The following NUDC variants were observed in gnomAD, a reference collection of about 807,000 sequenced individuals.
The protein encoded by NUDC is nuclear migration protein nudC.
NUDC carries 14 observed loss-of-function variants against 45.0 expected under a neutral mutation model. The observed-to-expected ratio is 0.31, with a 90% CI of 0.21 to 0.49. The LOEUF (loss-of-function observed/expected upper bound fraction) is 0.49, where lower values mean the gene tolerates loss of function less well. NUDC is among the 20% of genes least tolerant of loss of function. The probability of loss-of-function intolerance (pLI) is 0.99; values close to 1 mark genes in which losing one functional copy is unlikely to be tolerated. For synonymous variants in NUDC, 153 were observed against 156.7 expected (o/e 0.98, Z 0.17); for missense variants, 323 against 426.2 (o/e 0.76, Z 2.13).
At chr1:26,925,017 A>G (rs1167153961) in intron 2 of NUDC, among the ~76,000 whole-genome samples, 1 of 150,636 alleles carries the variant, frequency 6.6e-6, no homozygotes, top group Non-Finnish European at 1.5e-5. Flanking sequence ...AGTAGCTGGG[A>G]TTACAGGCAG....
At chr1:26,935,311 AGTC>A (rs2082220130) in intron 2 of NUDC, among the ~76,000 whole-genome samples, 1 of 152,132 alleles carries the variant, frequency 6.6e-6, no homozygotes, top group Non-Finnish European at 1.5e-5. Flanking sequence ...TAAATTACCC[AGTC>A]TAGGGTATTC....
chr1:26,913,660 G>A, intron 3 of NUDC: 1 of 1,613,810 alleles, frequency 6.2e-7, no homozygotes, highest in Non-Finnish European at 8.5e-7. Context: ...CAGGAAGAGG[G>A]GGCCCCAGCA....
At chr1:26,931,677 G>A (rs1351944395) in intron 2 of NUDC, among the ~76,000 whole-genome samples, 2 of 150,192 alleles carry the variant, frequency 1.3e-5, no homozygotes, top group Non-Finnish European at 3.0e-5. Flanking sequence ...TACTCGGGAG[G>A]CTGAGGGAGG....
chr1:26,906,493 G>A (rs2082003500), intron 2 of NUDC, among the ~76,000 whole-genome samples: 1 of 152,064 alleles, frequency 6.6e-6, no homozygotes. Flanking sequence ...AGTACTTCCA[G>A]CACAGAGTTG....
intron 2 of NUDC, among the ~76,000 whole-genome samples, chr1:26,903,458 AT>A (rs2081988885): frequency 6.6e-6 from 1 of 152,226 alleles, no homozygotes; most frequent in South Asian, 2.1e-4. Flanking sequence ...TATTAATATT[AT>A]TTTGTTTTAC....
At chr1:26,942,088 TCAAGAC>T (rs2082282398) in intron 4 of NUDC, among the ~76,000 whole-genome samples, 1 of 152,052 alleles carries the variant, frequency 6.6e-6, no homozygotes, top group Non-Finnish European at 1.5e-5. Flanking sequence ...GGTCTGGAGT[TCAAGAC>T]CAACTTGGCC....
intron 2 of NUDC, among the ~76,000 whole-genome samples, chr1:26,907,732 C>T (rs2124057006): frequency 6.6e-6 from 1 of 152,292 alleles, no homozygotes; most frequent in South Asian, 2.1e-4. Flanking sequence ...GTGAGTCATC[C>T]CTGGCTGGGC....
At chr1:26,930,980 C>T (rs1380376388) in intron 2 of NUDC, among the ~76,000 whole-genome samples, 1 of 151,874 alleles carries the variant, frequency 6.6e-6, no homozygotes, top group Non-Finnish European at 1.5e-5. Context: ...CATGCCATTA[C>T]ACTCCAGCCT....
intron 2 of NUDC, among the ~76,000 whole-genome samples, chr1:26,931,987 CTT>C (rs568578158): frequency 1.4e-5 from 2 of 139,786 alleles, no homozygotes; most frequent in African/African-American, 2.6e-5. Context: ...CGCTTGGCCC[CTT>C]TTTTTTTTTT....
rs879383927 is a variant in NUDC at position 26,926,986 on chromosome 1, A to G, written c.159+2820A>G. ...AAACCTTTTGGGATTGCAGAGGTGA[A>G]TACAGATTTGTTCTTTGTTTTCATG... On this transcript the variant is annotated intron_variant, in intron 2 of 8. Transcript: ENST00000321265. 1.9e-4 allele frequency among the ~76,000 whole-genome samples: 29 copies of G among 152,188 alleles called. 1 individual carries two copies. Among genetic ancestry groups the G allele is most frequent in the Admixed American group, 1.9e-3 (29 of 15,264 alleles).
Position 26,906,021 on chromosome 1 carries a change from C to T in NUDC, c.-16+3655C>T, listed in dbSNP as rs972123948. Among the ~76,000 whole-genome samples the T allele has an allele frequency of 2.0e-5, 3 of 152,344 alleles. No individual in the cohort carries two copies. The East Asian group carries it at 5.8e-4, about 29-fold the overall frequency. On this transcript the variant is annotated intron_variant, in intron 2 of 6. Transcript: ENST00000435827. Reference sequence around the variant, plus strand: ...AAAAGGCCGAGCGCAGTGGCTCACGCCTGTAATCCCAGCACTTTGGGAGGG... The same window carrying T: ...AAAAGGCCGAGCGCAGTGGCTCACGTCTGTAATCCCAGCACTTTGGGAGGG...
At chr1:26,925,538 C>CAAAAAAAAA (rs71010305) in intron 2 of NUDC, among the ~76,000 whole-genome samples, 1 of 43,352 alleles carries the variant, frequency 2.3e-5, no homozygotes, top group Non-Finnish European at 4.7e-5. Flanking sequence ...GACTCCGTCT[C>CAAAAAAAAA]AAAAAAAAAA....
intron 4 of NUDC, among the ~76,000 whole-genome samples, chr1:26,942,441 A>G: frequency 6.6e-6 from 1 of 152,218 alleles, no homozygotes; most frequent in East Asian, 1.9e-4. Flanking sequence ...TATAATATTA[A>G]TAGTCTGAGC....
intron 1 of NUDC, chr1:26,922,178 T>C: frequency 1.8e-6 from 1 of 570,278 alleles, no homozygotes; most frequent in Non-Finnish European, 3.1e-6. Context: ...GATCCCCCTT[T>C]AGTTTCACAT....
intron 2 of NUDC, among the ~76,000 whole-genome samples, chr1:26,933,913 G>T (rs1363627400): frequency 6.6e-6 from 1 of 152,168 alleles, no homozygotes; most frequent in Admixed American, 6.5e-5. Context: ...CCACCACTTT[G>T]GGTGGCCAAG....
At chr1:26,911,525 A>G (rs1208962341) in intron 3 of NUDC, 1 of 380,236 alleles carries the variant, frequency 2.6e-6, no homozygotes, top group Non-Finnish European at 5.0e-6. Flanking sequence ...TCAATAACTT[A>G]ATTCAGTTCT....
At chr1:26,914,996 T>C (rs1173861511) in intron 3 of NUDC, among the ~76,000 whole-genome samples, 1 of 147,434 alleles carries the variant, frequency 6.8e-6, no homozygotes, top group South Asian at 2.1e-4. Flanking sequence ...TGTATATGTA[T>C]ATGTATATGT....
chr1:26,900,451 G>A (rs2081972471), intron 1 of NUDC: 1 of 1,605,692 alleles, frequency 6.2e-7, no homozygotes, highest in Non-Finnish European at 8.5e-7. Flanking sequence ...ATCTTGGATT[G>A]TCACATGATC....
chr1:26,905,246 C>T (rs1169827308), intron 2 of NUDC, among the ~76,000 whole-genome samples: 2 of 150,234 alleles, frequency 1.3e-5, no homozygotes, highest in Non-Finnish European at 3.0e-5. Flanking sequence ...CTGCAACCTC[C>T]GCCTCCTGGG....
Sources: gnomAD v4.1 joint callset for allele counts (sites outside exome capture counted in the v4.1 genomes callset) on GRCh38, gnomAD v4.1.1 for gene constraint, MANE v1.5 for transcripts, NCBI Gene and HGNC (gene_info 2026-07-23, HGNC 2026-07-21) for gene names.